PIEZO2: variants seen among roughly 807,000 people sequenced by gnomAD.
The protein encoded by PIEZO2 is piezo-type mechanosensitive ion channel component 2.
In PIEZO2, 172 loss-of-function variants were observed where a neutral mutation model predicts 337.3. That is an observed-to-expected ratio of 0.51 (90% CI 0.45 to 0.58). PIEZO2 has a LOEUF of 0.58. Among genes scored for constraint, PIEZO2 ranks in the 20% least tolerant of loss-of-function variants. The pLI, the probability that PIEZO2 is intolerant of heterozygous loss-of-function variation, is 0.00. For synonymous variants in PIEZO2, 1,251 were observed against 1,228.5 expected (o/e 1.02, Z -0.38); for missense variants, 3,028 against 3,391.3 (o/e 0.89, Z 2.66).
rs759920772 is a variant in PIEZO2 at position 10,761,026 on chromosome 18, G to A, written c.3335C>T (p.Thr1112Met). 2.8e-5 allele frequency: 43 copies of A among 1,536,620 alleles called. No individual in the cohort carries two copies. The highest frequency in any genetic ancestry group is 9.8e-5 in the East Asian group (4 of 40,928). ...QEYYRGRNNL[T>M]APVSRTIFHD... is the part of the protein sequence containing the mutation. Reference sequence around the variant, plus strand: ...AAAGATAGTTCTAGACACAGGGGCCGTCAGGTTATTTCGACCTCGATAGTA... The same window carrying A: ...AAAGATAGTTCTAGACACAGGGGCCATCAGGTTATTTCGACCTCGATAGTA... The change falls in exon 24 of 56, where the codon ACG (threonine) becomes ATG (methionine). Residue 1112 changes from threonine (T) to methionine (M), a missense_variant. Around this residue, in one of 5 missense-constraint regions of PIEZO2, gnomAD observed 1,925 missense variants for 2,051.9 expected, o/e 0.94. Transcript: ENST00000674853.
In PIEZO2 at chr18:11,055,109, G is replaced by T. The variant is rs183499549; in HGVS notation, c.160+11018C>A. Among the ~76,000 whole-genome samples the T allele has an allele frequency of 1.6e-3, 246 of 151,498 alleles. 1 individual carries two copies. Among genetic ancestry groups the T allele is most frequent in the African/African-American group, 5.8e-3 (238 of 41,270 alleles). On this transcript the variant is annotated intron_variant, in intron 2 of 55. Transcript: ENST00000674853. ...GCCTGTAGTCCCAGCTACTCGGGAG[G>T]CTGAGGCAGGAGAATGGCGTGAACC...
Position 11,078,046 on chromosome 18 carries a change from C to G in PIEZO2, c.65-11824G>C, listed in dbSNP as rs138750072. On this transcript the variant is annotated intron_variant, in intron 1 of 55. Transcript: ENST00000674853. This position sits in a 1 kb window ranked among gnomAD's most constrained non-coding sequence, Gnocchi z 5.3. ...TGCGTGCACACACACCCACACACACCCACACACACACACACACACACCACA... is the reference window on the plus strand; with the variant it reads ...TGCGTGCACACACACCCACACACACGCACACACACACACACACACACCACA... Among the ~76,000 whole-genome samples the G allele has an allele frequency of 1.5e-5, 2 of 135,778 alleles. No homozygotes were observed. Among genetic ancestry groups the G allele is most frequent in the African/African-American group, 5.3e-5 (2 of 37,680 alleles). 89.1% of individuals were successfully genotyped at this position (135,778 alleles called of 152,430 possible).
At chr18:11,122,997 G>GTT (rs150277513) in intron 1 of PIEZO2, among the ~76,000 whole-genome samples, 149 of 147,788 alleles carry the variant, frequency 1.0e-3, no homozygotes, top group Non-Finnish European at 1.6e-3. Flanking sequence ...ATAATGTGCG[G>GTT]CTTTTTCCCA....
chr18:11,060,906 T>C (rs1268854813), intron 2 of PIEZO2, among the ~76,000 whole-genome samples: 1 of 152,218 alleles, frequency 6.6e-6, no homozygotes, highest in African/African-American at 2.4e-5. Flanking sequence ...ACTCATTTTA[T>C]GAGGCCAGCA....
chr18:11,061,737 C>A (rs935123100), intron 2 of PIEZO2, among the ~76,000 whole-genome samples: 2 of 152,124 alleles, frequency 1.3e-5, no homozygotes, highest in African/African-American at 2.4e-5. Context: ...CTACAAACCA[C>A]TGCTCAATGA....
rs750560291 is a variant in PIEZO2, at chr18:10,807,298, C to T, written c.918-24G>A. 6 of 1,527,366 alleles carry T rather than the reference C, an allele frequency of 3.9e-6. No individual in the cohort carries two copies. The South Asian group carries it at 6.0e-5, about 15-fold the overall frequency. 94.6% of individuals were successfully genotyped at this position (1,527,366 alleles called of 1,614,324 possible). ...ACCTGTTAAAAAACAAAGAAAAATG[C>T]TTAAAAGATGCAATAAGCTATATGT... On this transcript the variant is annotated intron_variant, in intron 7 of 55. Transcript: ENST00000674853.
chr18:11,123,724 G>A (rs1419981816), intron 1 of PIEZO2, among the ~76,000 whole-genome samples: 1 of 152,048 alleles, frequency 6.6e-6, no homozygotes, highest in Non-Finnish European at 1.5e-5. Context: ...GCAGGAGGAT[G>A]GCGTGAACCC....
intron 7 of PIEZO2, among the ~76,000 whole-genome samples, chr18:10,831,238 G>A (rs969810820): frequency 7.2e-5 from 11 of 152,134 alleles, no homozygotes; most frequent in African/African-American, 4.8e-5. Flanking sequence ...TGTTTACTGC[G>A]GCACTCTTCA....
chr18:11,067,273 T>C (rs1019378642), intron 1 of PIEZO2, among the ~76,000 whole-genome samples: 9 of 152,178 alleles, frequency 5.9e-5, no homozygotes, highest in African/African-American at 1.9e-4. Context: ...AAAACTGCAC[T>C]TGTACACCCT....
rs76070027 is a variant in PIEZO2 at position 10,877,681 on chromosome 18, T to C, written c.330-6266A>G. On this transcript the variant is annotated intron_variant, in intron 4 of 55. Coordinates refer to ENST00000674853, the MANE Select transcript of PIEZO2 (RefSeq NM_001378183.1). The surrounding 1 kb of genome is among the most constrained non-coding windows in gnomAD (Gnocchi z 5.3). ...GCCCGGTCTGGCCTCTGGGTGACGG[T>C]AGCAGCATCCTGATGATTTCATCTC... Among the ~76,000 whole-genome samples the C allele has an allele frequency of 0.034, 5,225 of 152,148 alleles. 297 individuals are homozygous for C. The highest frequency in any genetic ancestry group is 0.12 in the African/African-American group (4,940 of 41,486).
At chr18:11,091,133 C>T (rs2039074230) in intron 1 of PIEZO2, among the ~76,000 whole-genome samples, 1 of 151,810 alleles carries the variant, frequency 6.6e-6, no homozygotes, top group South Asian at 2.1e-4. Flanking sequence ...TGCCTGTAAT[C>T]CCAAAACCTT....
intron 1 of PIEZO2, among the ~76,000 whole-genome samples, chr18:11,147,254 G>A (rs2040832896): frequency 6.6e-6 from 1 of 152,136 alleles, no homozygotes; most frequent in South Asian, 2.1e-4. Context: ...AGAGAACGAG[G>A]CCAGCATCCA....
intron 7 of PIEZO2, among the ~76,000 whole-genome samples, chr18:10,845,534 G>A (rs532518914): frequency 6.6e-6 from 1 of 152,124 alleles, no homozygotes; most frequent in Non-Finnish European, 1.5e-5. Context: ...AAAATTCCAG[G>A]GGGAACATGG....
chr18:10,958,141 GAATA>G (rs1470300522), intron 3 of PIEZO2, among the ~76,000 whole-genome samples: 3 of 152,122 alleles, frequency 2.0e-5, no homozygotes, highest in African/African-American at 7.2e-5. Context: ...ATCAACAGAT[GAATA>G]AATAAATAAA....
chr18:10,995,368 G>A (rs1031158991), intron 2 of PIEZO2, among the ~76,000 whole-genome samples: 15 of 152,146 alleles, frequency 9.9e-5, no homozygotes, highest in African/African-American at 3.6e-4. Context: ...GATTCTGAAT[G>A]AGTTCCTTTG....
rs1181941146 is a variant in PIEZO2, at chr18:10,929,396, G to A, written c.287-18168C>T. Among the ~76,000 whole-genome samples the A allele has an allele frequency of 6.6e-6, 1 of 152,138 alleles. No homozygotes were observed. The highest frequency in any genetic ancestry group is 1.5e-5 in the Non-Finnish European group (1 of 68,034). On this transcript the variant is annotated intron_variant, in intron 3 of 55. Transcript: ENST00000674853. The surrounding 1 kb of genome is among the most constrained non-coding windows in gnomAD (Gnocchi z 5.6). ...TTCCAGACCAGCGCAAAGAAACTCC[G>A]AATTATTTTGATCAGATTCAGACAT...
Position 10,861,847 on chromosome 18 carries a change from G to T in PIEZO2, c.493-4636C>A, listed in dbSNP as rs958216681. ...TGCCTGGACAACATGGTGAAACCTT[G>T]TCTGTACTAAAACTACAAAAATTAG... On this transcript the variant is annotated intron_variant, in intron 5 of 55. Coordinates refer to ENST00000674853, the MANE Select transcript of PIEZO2 (RefSeq NM_001378183.1). The surrounding 1 kb of genome is among the most constrained non-coding windows in gnomAD (Gnocchi z 4.3). Among the ~76,000 whole-genome samples the T allele has an allele frequency of 2.0e-5, 3 of 152,034 alleles. No homozygotes were observed. The highest frequency in any genetic ancestry group is 4.8e-5 in the African/African-American group (2 of 41,390).
intron 7 of PIEZO2, among the ~76,000 whole-genome samples, chr18:10,816,452 A>G (rs891361716): frequency 6.6e-6 from 1 of 152,186 alleles, no homozygotes; most frequent in South Asian, 2.1e-4. Flanking sequence ...ATTTTGCAAT[A>G]TGTAACTGAA....
rs1405990850 is a variant in PIEZO2 at position 11,077,352 on chromosome 18, C to T, written c.65-11130G>A. Among the ~76,000 whole-genome samples, 1 of 152,128 alleles carries T rather than the reference C, an allele frequency of 6.6e-6. No homozygotes were observed. The highest frequency in any genetic ancestry group is 6.5e-5 in the Admixed American group (1 of 15,272). On this transcript the variant is annotated intron_variant, in intron 1 of 55. Transcript: ENST00000674853. This position sits in a 1 kb window ranked among gnomAD's most constrained non-coding sequence, Gnocchi z 4.8. ...CTTGGTAGCTTGCTTTGGTTTGTGT[C>T]ATGGTATTTGCTGATTTAGAAATCA... is the stretch of plus-strand genomic sequence containing the variant.
Sources: allele counts gnomAD v4.1 joint callset (sites outside exome capture counted in the v4.1 genomes callset), GRCh38; gene constraint gnomAD v4.1.1; regional missense constraint gnomAD v4.1.1; non-coding constraint Gnocchi (gnomAD v3.1); transcripts MANE v1.5; gene names NCBI Gene and HGNC (gene_info 2026-07-23, HGNC 2026-07-21).